Variants in TTC21A observed in about 807,000 individuals in gnomAD.
TTC21A encodes the protein tetratricopeptide repeat protein 21A.
A neutral mutation model predicts 156.4 loss-of-function variants in TTC21A; 128 were observed. That is an observed-to-expected ratio of 0.82 (90% confidence interval 0.71 to 0.95). TTC21A has a LOEUF of 0.95. Ranked by LOEUF, TTC21A falls within the 40% of genes least tolerant of loss-of-function variation. TTC21A has a pLI of 0.00. For missense variants in TTC21A, 1,435 were observed against 1,602.3 expected, an observed-to-expected ratio of 0.90 and a Z score of 1.78; for synonymous variants, 587 against 617.1, an observed-to-expected ratio of 0.95 and a Z score of 0.72.
intron 5 of TTC21A, among the ~76,000 whole-genome samples, chr3:39,113,268 G>A (rs1161666196): frequency 1.3e-5 from 2 of 152,160 alleles, no homozygotes; most frequent in Non-Finnish European, 2.9e-5. Flanking sequence ...TTGGGTCCAG[G>A]GTGTGTATTA....
chr3:39,135,019 A>ACCCCCCC, intron 21 of TTC21A, 74 bp from the exon 22 acceptor site: 5 of 1,258,900 alleles, frequency 4.0e-6, no homozygotes, highest in Admixed American at 1.7e-5. Flanking sequence ...TCACCCCCAT[A>ACCCCCCC]CCCCCCGCCT....
At chr3:39,116,609 A>G (rs1342758604) in intron 6 of TTC21A, among the ~76,000 whole-genome samples, 1 of 152,024 alleles carries the variant, frequency 6.6e-6, no homozygotes, top group African/African-American at 2.4e-5. Context: ...TTGAGAAGCT[A>G]GGACTACAAG....
At position 39,125,373 on chromosome 3, in the gene TTC21A, C is replaced by G; in HGVS notation, c.1233C>G (p.His411Gln). The G allele has an allele frequency of 6.2e-7, 1 of 1,614,146 alleles. No homozygotes were observed. The highest frequency in any genetic ancestry group is 1.1e-5 in the South Asian group (1 of 91,080). Reference protein sequence around the residue: ...FLQALLMSRKHKGEEETTALL... With the variant: ...FLQALLMSRKQKGEEETTALL... ...AAGCCCTCCTGATGTCCAGGAAGCA[C>G]AAGGGGGAGGAAGAGACCACAGCGC... Residue 411 changes from histidine to glutamine, a missense_variant, in exon 11 of 29, where the codon CAC becomes CAG. Physicochemically the swap from His to Gln is conservative, Grantham distance 24. Coordinates refer to ENST00000683103, the MANE Select transcript of TTC21A (RefSeq NM_001366900.1).
At chr3:39,135,236 A>G in intron 22 of TTC21A, 62 bp downstream of exon 22, 2 of 1,431,850 alleles carry the variant, frequency 1.4e-6, no homozygotes, top group Non-Finnish European at 2.0e-6. Context: ...GCTCTCCCAG[A>G]GAAGGGTGGG....
In TTC21A at chr3:39,136,423, C is replaced by T. The variant is rs1452219212; in HGVS notation, c.3011C>T (p.Pro1004Leu). 6.2e-7 allele frequency: 1 copy of T among 1,614,208 alleles called. No individual in the cohort carries two copies. Among genetic ancestry groups the T allele is most frequent in the Admixed American group, 1.7e-5 (1 of 60,028 alleles). The change falls in exon 23 of 29, where the codon CCT (proline) becomes CTT (leucine). Residue 1004 changes from proline (P) to leucine (L), a missense_variant. Pro to Leu is a moderately conservative substitution (Grantham distance 98). Coordinates refer to ENST00000683103, the MANE Select transcript of TTC21A (RefSeq NM_001366900.1). ...AGAAGTGGAAAACTTGAAGACATTC[C>T]TGCCTTCTTTGAATTGGCCAAGAAG... is the stretch of plus-strand genomic sequence containing the variant. ...LRRSGKLEDIPAFFELAKKVS... is the reference protein window; with the variant it reads ...LRRSGKLEDILAFFELAKKVS...
At chr3:39,108,834 C>G (rs1212729257) in intron 1 of TTC21A, among the ~76,000 whole-genome samples, 1 of 152,242 alleles carries the variant, frequency 6.6e-6, no homozygotes, top group Non-Finnish European at 1.5e-5. Flanking sequence ...AATTCCCCAT[C>G]ATAGTTGAAC....
At chr3:39,121,655 T>C (rs1283676318) in intron 9 of TTC21A, among the ~76,000 whole-genome samples, 2 of 152,256 alleles carry the variant, frequency 1.3e-5, no homozygotes, top group Non-Finnish European at 2.9e-5. Flanking sequence ...TCCAGGTGAC[T>C]TTAAAAATCT....
At position 39,121,300 on chromosome 3, in the gene TTC21A, A is replaced by C. The variant is rs1271850919; in HGVS notation, c.1093+111A>C. The stretch of plus-strand genomic sequence containing the variant: ...AAGCATTCTCCTTGAAGGGTATGTG[A>C]ATTTTGGGGTACAATGTATGATGGG... On this transcript the variant is annotated intron_variant, in intron 9 of 28. Transcript: ENST00000683103. 3 of 943,584 alleles carry C rather than the reference A, an allele frequency of 3.2e-6. No homozygotes were observed. In the African/African-American group the frequency reaches 5.0e-5, roughly 16 times the overall value. 58.5% of individuals were successfully genotyped at this position (943,584 alleles called of 1,614,324 possible).
chr3:39,130,052 T>C lies in TTC21A; in HGVS notation c.2136-27T>C. 6.2e-7 allele frequency: 1 copy of C among 1,613,146 alleles called. No homozygotes were observed. Among genetic ancestry groups the C allele is most frequent in the Non-Finnish European group, 8.5e-7 (1 of 1,179,482 alleles). On this transcript the variant is annotated intron_variant, in intron 15 of 28. Coordinates refer to ENST00000683103, the MANE Select transcript of TTC21A (RefSeq NM_001366900.1). The surrounding 1 kb of genome is among the most constrained non-coding windows in gnomAD (Gnocchi z 4.5). ...ACATGAGGTGTGTGCGAACCTGGGA[T>C]AAGCTTTTGGTTACTCTTGCTTGCA... is the stretch of plus-strand genomic sequence containing the variant.
At chr3:39,108,113 C>G in intron 1 of TTC21A, 1 of 585,516 alleles carries the variant, frequency 1.7e-6, no homozygotes, top group Non-Finnish European at 3.0e-6. Context: ...CTATCATTAT[C>G]CCTTCTTGTC....
In TTC21A at chr3:39,134,268, G is replaced by C. The variant is rs1406783415; in HGVS notation, c.2802G>C (p.Leu934=). 6.2e-7 allele frequency: 1 copy of C among 1,614,058 alleles called. No homozygotes were observed. The highest frequency in any genetic ancestry group is 8.5e-7 in the Non-Finnish European group (1 of 1,179,958). The change falls in exon 21 of 29, where the codon CTG becomes CTC. Residue 934 remains leucine, a synonymous_variant. Coordinates refer to ENST00000683103, the MANE Select transcript of TTC21A (RefSeq NM_001366900.1). The surrounding 1 kb of genome is among the most constrained non-coding windows in gnomAD (Gnocchi z 4.6). ...QLYLLQGHLD[L]CEQHCAILLQ... is the part of the protein sequence containing the mutation. ...ACCTGCTCCAGGGGCACCTGGACCTGTGTGAGCAGCACTGTGCCATCCTCC... is the reference window on the plus strand; with the variant it reads ...ACCTGCTCCAGGGGCACCTGGACCTCTGTGAGCAGCACTGTGCCATCCTCC...
Position 39,130,740 on chromosome 3 carries a change from C to T in TTC21A, c.2359C>T (p.Gln787Ter). 1.2e-6 allele frequency: 2 copies of T among 1,614,194 alleles called. No individual in the cohort carries two copies. Among genetic ancestry groups the T allele is most frequent in the Middle Eastern group, 1.6e-4 (1 of 6,062 alleles). ...YYEAAQKING[Q>*]DFLCCDLGKL... ...TGAGGCTGCCCAGAAGATTAATGGA[C>T]AGGACTTTCTGTGCTGCGATCTGGG... Residue 787 changes from glutamine to a stop codon, truncating the protein, a stop_gained, in exon 18 of 29, where the codon CAG (glutamine) becomes TAG (stop). Transcript: ENST00000683103. LOFTEE classifies it high-confidence loss of function. The surrounding 1 kb of genome is among the most constrained non-coding windows in gnomAD (Gnocchi z 4.5).
At chr3:39,131,305 G>T (rs1363210722) in intron 19 of TTC21A, among the ~76,000 whole-genome samples, 1 of 152,210 alleles carries the variant, frequency 6.6e-6, no homozygotes, top group Non-Finnish European at 1.5e-5. Context: ...GTGGTGGGCT[G>T]GGAAAGGCAG....
rs2038869265 is a variant in TTC21A, at chr3:39,133,232, G to T, written c.2743G>T (p.Asp915Tyr). 1 of 1,612,550 alleles carries T rather than the reference G, an allele frequency of 6.2e-7. No homozygotes were observed. Among genetic ancestry groups the T allele is most frequent in the South Asian group, 1.1e-5 (1 of 90,954 alleles). ...YKDVFSYLPT[D>Y]NKVMLELAQL... Reference sequence around the variant, plus strand: ...GGATGTCTTCTCCTACTTGCCAACTGACAATAAGGTGAGTGGCCCTCAAAG... The same window carrying T: ...GGATGTCTTCTCCTACTTGCCAACTTACAATAAGGTGAGTGGCCCTCAAAG... Residue 915 changes from aspartate to tyrosine, a missense_variant, in exon 20 of 29, where the codon GAC becomes TAC. By Grantham distance (160) the Asp-to-Tyr change is radical. Transcript: ENST00000683103.
At chr3:39,132,683 G>T (rs2038823438) in intron 19 of TTC21A, 1 of 244,676 alleles carries the variant, frequency 4.1e-6, no homozygotes, top group Non-Finnish European at 7.9e-6. Flanking sequence ...TTCCCAGCAG[G>T]GAGGCATACA....
In TTC21A at chr3:39,107,809, C is replaced by A. The variant is rs1290695035; in HGVS notation, c.-29C>A. 3 of 1,612,444 alleles carry A rather than the reference C, an allele frequency of 1.9e-6. No individual in the cohort carries two copies. The highest frequency in any genetic ancestry group is 2.2e-5 in the South Asian group (2 of 91,080). On this transcript the variant is annotated 5_prime_UTR_variant, in exon 1 of 29. Transcript: ENST00000683103. ...TCCCGCTCTGCACCGCCCCACCAGA[C>A]CCGGACTCGGAGCCGCGAGCGGCCC...
chr3:39,120,064 C>A, intron 8 of TTC21A, 44 bp downstream of exon 8: 1 of 1,401,456 alleles, frequency 7.1e-7, no homozygotes, highest in Non-Finnish European at 1.0e-6. Flanking sequence ...CTTCTCCCTG[C>A]TTTCCTTAGA....
rs199808369 is a variant in TTC21A, at chr3:39,131,053, C to G, written c.2520C>G (p.Tyr840Ter). ...VKCLLLLAKV[Y>*]KSHKKEAVIE... ...GCCTGCTTTTGCTGGCAAAGGTTTA[C>G]AAGAGCCATAAAAAAGAAGCTGTGA... Residue 840 changes from tyrosine to a stop codon, truncating the protein, a stop_gained, in exon 19 of 29, where the codon TAC becomes TAG. Coordinates refer to ENST00000683103, the MANE Select transcript of TTC21A (RefSeq NM_001366900.1). LOFTEE classifies it high-confidence loss of function. 4.3e-6 allele frequency: 7 copies of G among 1,612,976 alleles called. No individual in the cohort carries two copies. The highest frequency in any genetic ancestry group is 1.7e-6 in the Non-Finnish European group (2 of 1,180,032).
chr3:39,134,835 G>C lies in TTC21A; in HGVS notation c.2863-258G>C. The C allele has an allele frequency of 1.7e-6, 1 of 577,166 alleles. No homozygotes were observed. The highest frequency in any genetic ancestry group is 3.1e-6 in the Non-Finnish European group (1 of 322,850). 35.8% of individuals were successfully genotyped at this position (577,166 alleles called of 1,614,324 possible). ...AAAGCCCCACTGGTCTCTACCACTA[G>C]TCTTACCTTCCCATGTACATCCTCA... On this transcript the variant is annotated intron_variant, in intron 21 of 28. Transcript: ENST00000683103. This position sits in a 1 kb window ranked among gnomAD's most constrained non-coding sequence, Gnocchi z 4.6.
Sources: gnomAD v4.1 joint callset for allele counts (sites outside exome capture counted in the v4.1 genomes callset) on GRCh38, gnomAD v4.1.1 for gene constraint, Gnocchi (gnomAD v3.1) non-coding constraint, MANE v1.5 for transcripts, NCBI Gene and HGNC (gene_info 2026-07-23, HGNC 2026-07-21) for gene names.